Variants in MMP16 observed in about 807,000 individuals in gnomAD.
MMP16 encodes matrix metalloproteinase-16.
Under a neutral mutation model 67.8 loss-of-function variants are expected in MMP16, and 12 were observed. That is an observed-to-expected ratio of 0.18 (90% confidence interval 0.11 to 0.29). The LOEUF (loss-of-function observed/expected upper bound fraction) is 0.29. Ranked by LOEUF, MMP16 falls within the 10% of genes least tolerant of loss-of-function variation. MMP16 has a pLI of 1.00. For missense variants in MMP16, 475 were observed against 765.7 expected (o/e 0.62, Z 4.48); for synonymous variants, 249 against 255.9 (o/e 0.97, Z 0.26).
At chr8:88,253,528 T>C (rs575273626) in intron 1 of MMP16, among the ~76,000 whole-genome samples, 1 of 152,194 alleles carries the variant, frequency 6.6e-6, no homozygotes, top group South Asian at 2.1e-4. Flanking sequence ...AACCCCAGTC[T>C]AATCATGAGA....
At position 88,183,316 on chromosome 8, in the gene MMP16, G is replaced by A. The variant is rs543745806; in HGVS notation, c.404+3160C>T. Among the ~76,000 whole-genome samples, 561 of 152,292 alleles carry A rather than the reference G, an allele frequency of 3.7e-3. 4 individuals carry two copies. The highest frequency in any genetic ancestry group is 0.013 in the African/African-American group (531 of 41,580). On this transcript the variant is annotated intron_variant, in intron 3 of 9. Transcript: ENST00000286614. ...ATTGGTGGAGTATATAAGGGATAGA[G>A]GAGAGGGTATGCAGTAACTCTGTGA...
chr8:88,170,594 G>A (rs1174188899), intron 3 of MMP16, among the ~76,000 whole-genome samples: 1 of 152,090 alleles, frequency 6.6e-6, no homozygotes, highest in Admixed American at 6.6e-5. Context: ...ACAGCTGTGG[G>A]CAAGACTCTG....
At chr8:88,285,694 CCAAT>C (rs1332822472) in intron 1 of MMP16, among the ~76,000 whole-genome samples, 1 of 151,822 alleles carries the variant, frequency 6.6e-6, no homozygotes, top group Admixed American at 6.6e-5. Flanking sequence ...CTGAATCCTT[CCAAT>C]GACTTTTTTT....
At chr8:88,113,445 T>C (rs1809374941) in intron 6 of MMP16, among the ~76,000 whole-genome samples, 1 of 151,618 alleles carries the variant, frequency 6.6e-6, no homozygotes, top group African/African-American at 2.4e-5. Flanking sequence ...AAGTAGAAAA[T>C]CAACTTTTAT....
chr8:88,047,717 T>C (rs1034375322), intron 8 of MMP16, among the ~76,000 whole-genome samples: 1 of 152,198 alleles, frequency 6.6e-6, no homozygotes, highest in East Asian at 1.9e-4. Context: ...GACAAGCATT[T>C]ACACTACAGC....
rs1301889953 is a variant in MMP16, at chr8:88,039,097, GC to G, written c.*2363del. ...TGAGTATAAATATAAATTCAAGGCA[GC>G]CAAACTATCCATTTCCAAATAAGAA... On this transcript the variant is annotated 3_prime_UTR_variant, in exon 10 of 10. Transcript: ENST00000286614. The surrounding 1 kb of genome is among the most constrained non-coding windows in gnomAD (Gnocchi z 4.5). The G allele has an allele frequency of 4.6e-5, 7 of 152,414 alleles. No individual in the cohort carries two copies. 9.4% of individuals were successfully genotyped at this position (152,414 alleles called of 1,614,324 possible).
chr8:88,179,211 G>A (rs1345044251), intron 3 of MMP16, among the ~76,000 whole-genome samples: 2 of 151,864 alleles, frequency 1.3e-5, no homozygotes, highest in Non-Finnish European at 2.9e-5. Flanking sequence ...AGCCAGAAGG[G>A]GGTAAAATAC....
chr8:88,078,256 A>G (rs1348218505), intron 6 of MMP16, among the ~76,000 whole-genome samples: 2 of 152,184 alleles, frequency 1.3e-5, no homozygotes, highest in Non-Finnish European at 2.9e-5. Context: ...TGGAATTCCT[A>G]CTTAAACACC....
At chr8:88,231,181 T>C (rs940914377) in intron 1 of MMP16, among the ~76,000 whole-genome samples, 9 of 152,152 alleles carry the variant, frequency 5.9e-5, no homozygotes, top group Admixed American at 4.6e-4. Context: ...TATGATGGTT[T>C]TGAGAAAATA....
At chr8:88,062,908 CAT>C (rs1165419052) in intron 7 of MMP16, among the ~76,000 whole-genome samples, 1 of 152,208 alleles carries the variant, frequency 6.6e-6, no homozygotes, top group East Asian at 1.9e-4. Context: ...TTTTACTGTA[CAT>C]ATGACAGGTG....
At chr8:88,326,826 G>T in intron 1 of MMP16, 1 of 411,408 alleles carries the variant, frequency 2.4e-6, no homozygotes, top group East Asian at 4.4e-5. Flanking sequence ...GAAAAGCATG[G>T]ACCGGCTACA....
chr8:88,061,280 T>C (rs1357697083), intron 7 of MMP16, among the ~76,000 whole-genome samples: 1 of 152,006 alleles, frequency 6.6e-6, no homozygotes, highest in Non-Finnish European at 1.5e-5. Flanking sequence ...CCTGTGGCAT[T>C]AAAATAGAAA....
intron 1 of MMP16, among the ~76,000 whole-genome samples, chr8:88,299,565 A>G (rs1811066335): frequency 6.6e-6 from 1 of 152,166 alleles, no homozygotes; most frequent in South Asian, 2.1e-4. Flanking sequence ...CAAATTTGAA[A>G]CTATCCAGAT....
chr8:88,264,175 C>T (rs182201423), intron 1 of MMP16, among the ~76,000 whole-genome samples: 21 of 151,536 alleles, frequency 1.4e-4, no homozygotes, highest in African/African-American at 2.9e-4. Context: ...AAAGAGTGTG[C>T]GTGCACGTGC....
At chr8:88,179,657 G>T (rs1318930069) in intron 3 of MMP16, among the ~76,000 whole-genome samples, 2 of 152,074 alleles carry the variant, frequency 1.3e-5, no homozygotes, top group Non-Finnish European at 2.9e-5. Flanking sequence ...TAAATAAAAT[G>T]AATAATGAGA....
At chr8:88,218,386 G>A (rs1809627021) in intron 1 of MMP16, among the ~76,000 whole-genome samples, 1 of 151,992 alleles carries the variant, frequency 6.6e-6, no homozygotes, top group Admixed American at 6.6e-5. Context: ...TCAATTGTAT[G>A]ATGAATAAGT....
chr8:88,122,936 A>G lies in MMP16; in HGVS notation c.710-4075T>C, dbSNP rs1381592713. ...CCCCACCCCTGCCTCCTCTACAGCCATATGAGTTAGCTTGGAAGTGAATTT... is the reference window on the plus strand; with the variant it reads ...CCCCACCCCTGCCTCCTCTACAGCCGTATGAGTTAGCTTGGAAGTGAATTT... On this transcript the variant is annotated intron_variant, in intron 4 of 9. Transcript: ENST00000286614. Among the ~76,000 whole-genome samples the G allele has an allele frequency of 2.7e-5, 4 of 149,738 alleles. No individual in the cohort carries two copies. In the Admixed American group the frequency reaches 2.7e-4, roughly 10 times the overall value.
chr8:88,088,051 T>TTA (rs1563527969), intron 6 of MMP16, among the ~76,000 whole-genome samples: 1 of 38,806 alleles, frequency 2.6e-5, no homozygotes, highest in Non-Finnish European at 5.7e-5. Context: ...TAGATATCTA[T>TTA]TATATCTATA....
At chr8:88,161,705 G>A (rs912441039) in intron 4 of MMP16, among the ~76,000 whole-genome samples, 4 of 151,786 alleles carry the variant, frequency 2.6e-5, no homozygotes, top group Middle Eastern at 3.4e-3. Context: ...ATAAATTTCC[G>A]TCTACACACT....
Sources: gnomAD v4.1 joint callset for allele counts (sites outside exome capture counted in the v4.1 genomes callset) on GRCh38, gnomAD v4.1.1 for gene constraint, Gnocchi (gnomAD v3.1) non-coding constraint, MANE v1.5 for transcripts, NCBI Gene and HGNC (gene_info 2026-07-23, HGNC 2026-07-21) for gene names.